The following DAW1 variants were observed in gnomAD, a reference collection of about 807,000 sequenced individuals.
DAW1 encodes dynein assembly factor with WD repeats 1, also known as dynein assembly factor with WD repeat domains 1.
In DAW1, 47 loss-of-function variants were observed where a neutral mutation model predicts 56.5. The ratio of observed to expected loss-of-function variants is 0.83; its 90% CI spans 0.66 to 1.06. The LOEUF is 1.06. Among genes scored for constraint, DAW1 ranks in the 50% least tolerant of loss-of-function variants. The probability of loss-of-function intolerance (pLI) is 0.00; values close to 1 mark genes in which losing one functional copy is unlikely to be tolerated. For synonymous variants in DAW1, 190 were observed against 179.0 expected (o/e 1.06, Z -0.49); for missense variants, 505 against 499.3 (o/e 1.01, Z -0.11).
rs1691099856 is a variant in DAW1, at chr2:227,885,383, T to G, written c.73T>G (p.Leu25Val). ...IMLEYEKHGELKTKSIDLLDL... is the reference protein window; with the variant it reads ...IMLEYEKHGEVKTKSIDLLDL... ...GTTGGAATATGAAAAACATGGAGAA[T>G]TAAAGACTAAGTCCATAGATTTGCT... The change falls in exon 2 of 13, where the codon TTA becomes GTA. Residue 25 changes from leucine (L) to valine (V), a missense_variant. By Grantham distance (32) the Leu-to-Val change is conservative (BLOSUM62 1). Transcript: ENST00000309931. 5 of 1,602,566 alleles carry G rather than the reference T, an allele frequency of 3.1e-6. No individual in the cohort carries two copies. The highest frequency in any genetic ancestry group is 4.3e-6 in the Non-Finnish European group (5 of 1,175,800).
In DAW1 at chr2:227,889,659, C is replaced by T. The variant is rs142435641; in HGVS notation, c.114-197C>T. The T allele has an allele frequency of 9.0e-4, 367 of 405,616 alleles. 1 individual carries two copies. The highest frequency in any genetic ancestry group is 6.7e-3 in the African/African-American group (325 of 48,432). The allele number at this position is 405,616 out of a possible 1,614,324, so 25.1% of individuals were successfully genotyped here. Reference sequence around the variant, plus strand: ...TGTTGTAGAAAATCCAAGCTTCTTGCTTTCCTGCCATCATCTATTTACTGA... The same window carrying T: ...TGTTGTAGAAAATCCAAGCTTCTTGTTTTCCTGCCATCATCTATTTACTGA... On this transcript the variant is annotated intron_variant, in intron 2 of 12. Coordinates refer to ENST00000309931, the MANE Select transcript of DAW1 (RefSeq NM_178821.3).
At chr2:227,910,800 C>A (rs1309207366) in intron 10 of DAW1, among the ~76,000 whole-genome samples, 1 of 152,080 alleles carries the variant, frequency 6.6e-6, no homozygotes, top group Non-Finnish European at 1.5e-5. Flanking sequence ...ATTTCCCTGA[C>A]TACTATTTAT....
At chr2:227,913,051 G>T (rs1409923063) in intron 10 of DAW1, among the ~76,000 whole-genome samples, 1 of 152,130 alleles carries the variant, frequency 6.6e-6, no homozygotes, top group Non-Finnish European at 1.5e-5. Flanking sequence ...CTATTTCTCT[G>T]TCATCTCCTT....
intron 7 of DAW1, among the ~76,000 whole-genome samples, chr2:227,903,893 C>T (rs921632805): frequency 2.6e-5 from 4 of 152,074 alleles, no homozygotes; most frequent in African/African-American, 7.2e-5. Context: ...AAAAAATCAC[C>T]ATTTTAAAAT....
chr2:227,894,253 T>G (rs1487824348), intron 5 of DAW1, among the ~76,000 whole-genome samples: 1 of 151,898 alleles, frequency 6.6e-6, no homozygotes, highest in Admixed American at 6.6e-5. Context: ...ATACAAAAAT[T>G]AGCTGGGCTA....
At chr2:227,899,270 T>A (rs1368695586) in intron 6 of DAW1, among the ~76,000 whole-genome samples, 1 of 152,232 alleles carries the variant, frequency 6.6e-6, no homozygotes, top group African/African-American at 2.4e-5. Flanking sequence ...TTAATGGGGA[T>A]CACACCTTTC....
At chr2:227,886,807 A>C (rs932487921) in intron 2 of DAW1, among the ~76,000 whole-genome samples, 3 of 152,126 alleles carry the variant, frequency 2.0e-5, no homozygotes, top group Non-Finnish European at 4.4e-5. Context: ...AAACAAACAA[A>C]CAAACATCCT....
chr2:227,921,017 G>A (rs974836624), intron 11 of DAW1, among the ~76,000 whole-genome samples: 10 of 152,150 alleles, frequency 6.6e-5, no homozygotes, highest in African/African-American at 1.9e-4. Context: ...TGACACCAGG[G>A]TTTGGCTACG....
intron 1 of DAW1, among the ~76,000 whole-genome samples, chr2:227,883,167 A>T (rs1691049534): frequency 6.6e-6 from 1 of 152,202 alleles, no homozygotes; most frequent in Non-Finnish European, 1.5e-5. Context: ...GTGAGCCCAC[A>T]ACTTTCAAGC....
chr2:227,907,485 G>A (rs1487782498), intron 10 of DAW1, among the ~76,000 whole-genome samples: 1 of 152,088 alleles, frequency 6.6e-6, no homozygotes, highest in Non-Finnish European at 1.5e-5. Context: ...AGGTATATGA[G>A]GTCTTTGTCA....
intron 1 of DAW1, among the ~76,000 whole-genome samples, chr2:227,884,803 T>G (rs963879240): frequency 6.6e-6 from 1 of 152,184 alleles, no homozygotes; most frequent in African/African-American, 2.4e-5. Flanking sequence ...TGGATAGGAC[T>G]GTCCACCAAT....
At chr2:227,918,171 T>TCCATCCATCATC (rs376323426) in intron 10 of DAW1, among the ~76,000 whole-genome samples, 19 of 124,118 alleles carry the variant, frequency 1.5e-4, no homozygotes, top group Non-Finnish European at 3.1e-4. Context: ...CATCCATCCA[T>TCCATCCATCATC]CATCCATCCA....
chr2:227,924,140 T>A lies in DAW1; in HGVS notation c.*172T>A. The A allele has an allele frequency of 2.8e-6, 2 of 726,914 alleles. No individual in the cohort carries two copies. The highest frequency in any genetic ancestry group is 2.3e-6 in the Non-Finnish European group (1 of 434,796). The allele number at this position is 726,914 out of a possible 1,614,324, so 45.0% of individuals were successfully genotyped here. ...ATGACCATTAAACATGACAAAGTTATGCCACTCCAATATTATTATTTGATG... is the reference window on the plus strand; with the variant it reads ...ATGACCATTAAACATGACAAAGTTAAGCCACTCCAATATTATTATTTGATG... On this transcript the variant is annotated 3_prime_UTR_variant, in exon 13 of 13. Coordinates refer to ENST00000309931, the MANE Select transcript of DAW1 (RefSeq NM_178821.3).
chr2:227,896,102 G>A (rs1247795494), intron 5 of DAW1, among the ~76,000 whole-genome samples: 1 of 151,884 alleles, frequency 6.6e-6, no homozygotes, highest in Non-Finnish European at 1.5e-5. Flanking sequence ...AACTTAAATT[G>A]GTACATTAAA....
At chr2:227,882,986 T>A (rs1372212923) in intron 1 of DAW1, among the ~76,000 whole-genome samples, 1 of 152,200 alleles carries the variant, frequency 6.6e-6, no homozygotes, top group Non-Finnish European at 1.5e-5. Context: ...TATAGCAATA[T>A]AAAAACAAAC....
intron 1 of DAW1, among the ~76,000 whole-genome samples, chr2:227,881,941 G>A (rs960187654): frequency 2.6e-5 from 4 of 151,666 alleles, no homozygotes; most frequent in South Asian, 4.2e-4. Flanking sequence ...TATTAGAGAC[G>A]GTGTTTCAGC....
chr2:227,899,525 T>C (rs1288011920), intron 6 of DAW1, among the ~76,000 whole-genome samples: 1 of 152,244 alleles, frequency 6.6e-6, no homozygotes, highest in Non-Finnish European at 1.5e-5. Context: ...TAGGGAAATA[T>C]AGCTCAGTAC....
In DAW1 at chr2:227,924,040, C is replaced by T. The variant is rs1692169645; in HGVS notation, c.*72C>T. 2 of 1,543,150 alleles carry T rather than the reference C, an allele frequency of 1.3e-6. No individual in the cohort carries two copies. Among genetic ancestry groups the T allele is most frequent in the Middle Eastern group, 1.7e-4 (1 of 5,938 alleles). ...AGAACTGGAACTTCACAGACAGCAG[C>T]TCTCTTAATATTTCTTATACTTTCT... is the stretch of plus-strand genomic sequence containing the variant. On this transcript the variant is annotated 3_prime_UTR_variant, in exon 13 of 13. Transcript: ENST00000309931.
chr2:227,887,922 C>T (rs770732334), intron 2 of DAW1, among the ~76,000 whole-genome samples: 7 of 152,050 alleles, frequency 4.6e-5, no homozygotes, highest in East Asian at 1.9e-4. Context: ...AGGGTTGGAG[C>T]GTGTAGATTA....
Sources: allele counts gnomAD v4.1 joint callset (sites outside exome capture counted in the v4.1 genomes callset), GRCh38; gene constraint gnomAD v4.1.1; transcripts MANE v1.5; gene names NCBI Gene and HGNC (gene_info 2026-07-23, HGNC 2026-07-21).